CARF: variants seen among roughly 807,000 people sequenced by gnomAD.
The protein encoded by CARF is calcium-responsive transcription factor.
A neutral mutation model predicts 82.0 loss-of-function variants in CARF; 57 were observed. That is an observed-to-expected ratio of 0.70 (90% CI 0.56 to 0.87). The LOEUF (loss-of-function observed/expected upper bound fraction) is 0.87. Ranked by LOEUF, CARF falls within the 40% of genes least tolerant of loss-of-function variation. The pLI, the probability that CARF is intolerant of heterozygous loss-of-function variation, is 0.00. For missense variants in CARF, 771 were observed against 855.8 expected (o/e 0.90, Z 1.24); for synonymous variants, 268 against 290.1 (o/e 0.92, Z 0.77).
intron 9 of CARF, 113 bp from the exon 10 acceptor site, chr2:202,966,865 T>C (rs2059574747): frequency 1.0e-6 from 1 of 961,334 alleles, no homozygotes; most frequent in South Asian, 1.9e-5. Flanking sequence ...TTTCTTTCCT[T>C]AAAGCTGTAT....
Position 202,969,979 on chromosome 2 carries a change from T to G in CARF, c.1014T>G (p.Ile338Met), listed in dbSNP as rs1372427158. The G allele has an allele frequency of 6.3e-7, 1 of 1,574,834 alleles. No individual in the cohort carries two copies. Among genetic ancestry groups the G allele is most frequent in the African/African-American group, 1.4e-5 (1 of 72,220 alleles). Reference sequence around the variant, plus strand: ...ATAGAGTTCCTACAGACCCCAAAATTGACAAGAAAATTATCAGAATGGAGC... The same window carrying G: ...ATAGAGTTCCTACAGACCCCAAAATGGACAAGAAAATTATCAGAATGGAGC... ...PEYRVPTDPK[I>M]DKKIIRMEQE... is the part of the protein sequence containing the mutation. The change falls in exon 11 of 17, where the codon ATT (isoleucine) becomes ATG (methionine). Residue 338 changes from isoleucine (I) to methionine (M), a missense_variant. Transcript: ENST00000438828.
At position 202,986,887 on chromosome 2, in the gene CARF, T is replaced by TATATAC. The variant is rs2060459487; in HGVS notation, c.*3268_*3269insCATATA. On this transcript the variant is annotated 3_prime_UTR_variant, in exon 17 of 17. Coordinates refer to ENST00000438828, the MANE Select transcript of CARF (RefSeq NM_024744.17). ...CTGTGCGTATATATATATATATATA[T>TATATAC]ATATATATATATATATATATAGCAA... 1 of 89,546 alleles carries TATATAC rather than the reference T, an allele frequency of 1.1e-5. No individual in the cohort carries two copies. Among genetic ancestry groups the TATATAC allele is most frequent in the East Asian group, 2.5e-4 (1 of 3,980 alleles). The allele number at this position is 89,546 out of a possible 1,614,324, so 5.5% of individuals were successfully genotyped here.
chr2:202,916,620 C>T (rs1207519788), intron 1 of CARF, among the ~76,000 whole-genome samples: 1 of 152,078 alleles, frequency 6.6e-6, no homozygotes, highest in East Asian at 1.9e-4. Context: ...TTTAATTACC[C>T]TATTTGGGGA....
At chr2:202,932,885 C>T (rs1693202034) in intron 3 of CARF, among the ~76,000 whole-genome samples, 1 of 152,038 alleles carries the variant, frequency 6.6e-6, no homozygotes. Flanking sequence ...CCCTAGGACA[C>T]AGGATACTGT....
chr2:202,971,400 T>C, intron 11 of CARF, 105 bp from the exon 12 acceptor site: 1 of 574,000 alleles, frequency 1.7e-6, no homozygotes, highest in East Asian at 3.0e-5. Flanking sequence ...AATCCTTTCC[T>C]TTATGAGTAT....
intron 3 of CARF, among the ~76,000 whole-genome samples, chr2:202,936,620 G>C (rs1443931372): frequency 6.6e-6 from 1 of 151,984 alleles, no homozygotes; most frequent in Non-Finnish European, 1.5e-5. Context: ...ATCTATCTTT[G>C]GGCTCTACCT....
intron 14 of CARF, among the ~76,000 whole-genome samples, chr2:202,980,307 G>A (rs977307966): frequency 3.3e-5 from 5 of 151,962 alleles, no homozygotes; most frequent in African/African-American, 1.2e-4. Context: ...TTGGGTTAAC[G>A]TATAAGAATT....
chr2:202,920,479 A>T (rs919821270), intron 2 of CARF, among the ~76,000 whole-genome samples: 11 of 152,146 alleles, frequency 7.2e-5, no homozygotes, highest in African/African-American at 2.7e-4. Flanking sequence ...TAATTGATCT[A>T]TCATAATAGT....
chr2:202,925,402 T>G (rs571416560), intron 3 of CARF: 1 of 292,342 alleles, frequency 3.4e-6, no homozygotes, highest in African/African-American at 2.2e-5. Context: ...CTCCCTCGAT[T>G]TAAATGGCAT....
chr2:202,917,652 T>A lies in CARF; in HGVS notation c.-329-225T>A, dbSNP rs532384582. Among the ~76,000 whole-genome samples, 17 of 152,256 alleles carry A rather than the reference T, an allele frequency of 1.1e-4. No individual in the cohort carries two copies. In the South Asian group the frequency reaches 3.5e-3, roughly 32 times the overall value. ...AATTTAAATATTCCAAATACCTGATTTTAGACAAGGAAACAGGCACAGAGA... is the reference window on the plus strand; with the variant it reads ...AATTTAAATATTCCAAATACCTGATATTAGACAAGGAAACAGGCACAGAGA... On this transcript the variant is annotated intron_variant, in intron 1 of 16. Coordinates refer to ENST00000438828, the MANE Select transcript of CARF (RefSeq NM_024744.17).
intron 11 of CARF, 86 bp downstream of exon 11, chr2:202,970,148 C>T: frequency 2.4e-6 from 3 of 1,228,812 alleles, no homozygotes; most frequent in Non-Finnish European, 3.4e-6. Context: ...TATAGTTTTC[C>T]AACTATTTCA....
In CARF at chr2:202,986,873, T is replaced by TATATATATATATAC. The variant is rs1352164765; in HGVS notation, c.*3262_*3263insCATATATATATATA. On this transcript the variant is annotated 3_prime_UTR_variant, in exon 17 of 17. Coordinates refer to ENST00000438828, the MANE Select transcript of CARF (RefSeq NM_024744.17). ...GGTTTAAAAAATGTCTGTGCGTATATATATATATATATATATATATATATA... is the reference window on the plus strand; with the variant it reads ...GGTTTAAAAAATGTCTGTGCGTATATATATATATATATACATATATATATATATATATATATATA... The TATATATATATATAC allele has an allele frequency of 2.5e-3, 170 of 69,138 alleles. 5 individuals carry two copies. Among genetic ancestry groups the TATATATATATATAC allele is most frequent in the African/African-American group, 8.9e-3 (160 of 17,918 alleles). 4.3% of individuals were successfully genotyped at this position (69,138 alleles called of 1,614,324 possible).
chr2:202,969,154 A>T (rs141002954), intron 10 of CARF, among the ~76,000 whole-genome samples: 1 of 152,170 alleles, frequency 6.6e-6, no homozygotes, highest in Non-Finnish European at 1.5e-5. Flanking sequence ...TTAGCCAGGC[A>T]TAGTGACACA....
intron 9 of CARF, chr2:202,961,865 T>C (rs2059336512): frequency 5.1e-6 from 1 of 194,886 alleles, no homozygotes; most frequent in African/African-American, 2.4e-5. Context: ...GTATACAATC[T>C]AGAGTTATAG....
chr2:202,962,389 G>C (rs934337003), intron 9 of CARF: 24 of 152,184 alleles, frequency 1.6e-4, no homozygotes, highest in African/African-American at 5.8e-4. Flanking sequence ...TATTTGGGAA[G>C]CTGAGGTGGA....
chr2:202,952,950 A>T (rs1277023067), intron 6 of CARF, among the ~76,000 whole-genome samples: 2 of 152,156 alleles, frequency 1.3e-5, no homozygotes, highest in African/African-American at 4.8e-5. Context: ...AATTATTATT[A>T]ATGATAACAG....
intron 12 of CARF, among the ~76,000 whole-genome samples, chr2:202,972,853 C>A (rs1054381918): frequency 6.6e-6 from 1 of 152,114 alleles, no homozygotes; most frequent in African/African-American, 2.4e-5. Context: ...TGAATAGGTT[C>A]TCGAAAACTG....
chr2:202,939,691 T>TC (rs1559211198), intron 3 of CARF, among the ~76,000 whole-genome samples: 4 of 144,952 alleles, frequency 2.8e-5, no homozygotes, highest in Non-Finnish European at 6.1e-5. Context: ...TTTTCTTTTT[T>TC]TTTTTTTTTT....
In CARF at chr2:202,974,403, A is replaced by G. The variant is rs757559353; in HGVS notation, c.1401A>G (p.Pro467=). 1.2e-6 allele frequency: 2 copies of G among 1,610,412 alleles called. No homozygotes were observed. Among genetic ancestry groups the G allele is most frequent in the South Asian group, 2.2e-5 (2 of 90,084 alleles). Residue 467 remains proline (P), a synonymous_variant, in exon 13 of 17, where the codon CCA becomes CCG. Transcript: ENST00000438828. Reference sequence around the variant, plus strand: ...AAAGACATAATTTATCTTTTTTTCCAACTGTAAATGATATAAAAAATCACA... The same window carrying G: ...AAAGACATAATTTATCTTTTTTTCCGACTGTAAATGATATAAAAAATCACA... ...VPERHNLSFF[P]TVNDIKNHIH...
Sources: gnomAD v4.1 joint callset for allele counts (sites outside exome capture counted in the v4.1 genomes callset) on GRCh38, gnomAD v4.1.1 for gene constraint, MANE v1.5 for transcripts, NCBI Gene and HGNC (gene_info 2026-07-23, HGNC 2026-07-21) for gene names.